The following LPCAT3 variants were observed in gnomAD, a reference collection of about 807,000 sequenced individuals.
LPCAT3 encodes the protein lysophospholipid acyltransferase 5.
Under a neutral mutation model 63.4 loss-of-function variants are expected in LPCAT3, and 21 were observed. The ratio of observed to expected loss-of-function variants is 0.33; its 90% CI spans 0.23 to 0.48. LPCAT3 has a LOEUF of 0.48. Among genes scored for constraint, LPCAT3 ranks in the 20% least tolerant of loss-of-function variants. LPCAT3 has a pLI of 0.99. For missense variants in LPCAT3, 451 were observed against 590.6 expected (o/e 0.76, Z 2.45); for synonymous variants, 242 against 227.5 (o/e 1.06, Z -0.58).
intron 1 of LPCAT3, chr12:7,001,371 A>G (rs1265071592): frequency 6.6e-6 from 3 of 453,096 alleles, no homozygotes; most frequent in African/African-American, 6.0e-5. Flanking sequence ...CAGATCCCAG[A>G]AATCCTAGAT....
intron 1 of LPCAT3, among the ~76,000 whole-genome samples, chr12:6,993,806 C>A (rs782686006): frequency 3.9e-5 from 6 of 152,238 alleles, no homozygotes; most frequent in African/African-American, 1.2e-4. Flanking sequence ...TAGACAAGGT[C>A]TCACTATGTT....
At chr12:7,009,370 C>A (rs1296801552) in intron 1 of LPCAT3, among the ~76,000 whole-genome samples, 2 of 152,098 alleles carry the variant, frequency 1.3e-5, no homozygotes, top group Non-Finnish European at 2.9e-5. Flanking sequence ...CAATGACATT[C>A]CAAAAAGGTA....
chr12:7,006,700 A>AT, intron 1 of LPCAT3, among the ~76,000 whole-genome samples: 1 of 152,322 alleles, frequency 6.6e-6, no homozygotes, highest in South Asian at 2.1e-4. Context: ...AGGGCCCCAT[A>AT]TGTTTATACT....
chr12:6,978,621 G>A lies in LPCAT3; in HGVS notation c.855C>T (p.Val285=), dbSNP rs1555153645. 2 of 1,614,194 alleles carry A rather than the reference G, an allele frequency of 1.2e-6. No individual in the cohort carries two copies. Among genetic ancestry groups the A allele is most frequent in the Admixed American group, 1.7e-5 (1 of 60,024 alleles). ...IWGKFVLYKY[V]TCWLVTEGVC... ...TACTTACTGTGACCAGCCAACAGGT[G>A]ACATATTTGTACAGCACAAACTTGC... is the stretch of plus-strand genomic sequence containing the variant. The change falls in exon 8 of 13, where the codon GTC becomes GTT. Residue 285 remains valine (V), a synonymous_variant. Transcript: ENST00000261407.
At chr12:6,996,929 C>T (rs1262727964) in intron 1 of LPCAT3, among the ~76,000 whole-genome samples, 1 of 151,680 alleles carries the variant, frequency 6.6e-6, no homozygotes, top group Non-Finnish European at 1.5e-5. Flanking sequence ...AGAGACTGGG[C>T]TAATTTCAAG....
chr12:7,005,374 T>G (rs1946719129), intron 1 of LPCAT3, among the ~76,000 whole-genome samples: 1 of 152,264 alleles, frequency 6.6e-6, no homozygotes. Flanking sequence ...TGTTTCCACT[T>G]TTGGCTATTA....
chr12:7,006,668 G>A (rs1946726990), intron 1 of LPCAT3, among the ~76,000 whole-genome samples: 2 of 152,224 alleles, frequency 1.3e-5, no homozygotes, highest in African/African-American at 4.8e-5. Flanking sequence ...ATTTCTAGTA[G>A]TACGGTTCAA....
At chr12:7,010,472 T>C (rs893738652) in intron 1 of LPCAT3, among the ~76,000 whole-genome samples, 2 of 152,174 alleles carry the variant, frequency 1.3e-5, no homozygotes, top group African/African-American at 4.8e-5. Flanking sequence ...GCTGGTGCAG[T>C]GATGTGATCA....
At chr12:6,983,330 T>C (rs1946489305) in intron 2 of LPCAT3, 102 bp downstream of exon 2, 7 of 746,568 alleles carry the variant, frequency 9.4e-6, no homozygotes, top group Non-Finnish European at 1.6e-5. Flanking sequence ...GGGAGCATTA[T>C]AACTTCCCTA....
chr12:6,997,828 C>T lies in LPCAT3; in HGVS notation c.152-14289G>A, dbSNP rs781933177. Among the ~76,000 whole-genome samples, 3 of 152,088 alleles carry T rather than the reference C, an allele frequency of 2.0e-5. No individual in the cohort carries two copies. In the South Asian group the frequency reaches 6.2e-4, roughly 32 times the overall value. ...CTCGAACTCCTGACCTCAGGTGATC[C>T]TCCTGCCTTAGCTTCCCAAAGTGCT... is the stretch of plus-strand genomic sequence containing the variant. On this transcript the variant is annotated intron_variant, in intron 1 of 12. Transcript: ENST00000261407.
chr12:6,996,030 C>T (rs1946633191), intron 1 of LPCAT3, among the ~76,000 whole-genome samples: 1 of 152,176 alleles, frequency 6.6e-6, no homozygotes, highest in Non-Finnish European at 1.5e-5. Context: ...GGTCACTCCT[C>T]TGCTCAAAGC....
chr12:6,984,940 TAC>T (rs1206208167), intron 1 of LPCAT3, among the ~76,000 whole-genome samples: 1 of 152,200 alleles, frequency 6.6e-6, no homozygotes, highest in African/African-American at 2.4e-5. Context: ...TCATGGGCAA[TAC>T]AGTTTACTGT....
chr12:6,978,528 T>C (rs781856031), intron 8 of LPCAT3, 21 bp from the exon 9 acceptor site: 117 of 1,612,036 alleles, frequency 7.3e-5, no homozygotes, highest in Middle Eastern at 1.7e-4. Flanking sequence ...ATAGCTCAGT[T>C]AGGGCTCTTG....
In LPCAT3 at chr12:7,017,738, G is replaced by A. The variant is rs1326616101; in HGVS notation, c.151+536C>T. On this transcript the variant is annotated intron_variant, in intron 1 of 12. Coordinates refer to ENST00000261407, the MANE Select transcript of LPCAT3 (RefSeq NM_005768.6). This position sits in a 1 kb window ranked among gnomAD's most constrained non-coding sequence, Gnocchi z 4.1. ...CTTGGAAAATAAAAAAAGCAACATG[G>A]TATAAAAAGAAAATAGTAGGACTGG... Among the ~76,000 whole-genome samples the A allele has an allele frequency of 2.6e-5, 4 of 152,042 alleles. No individual in the cohort carries two copies. The highest frequency in any genetic ancestry group is 5.9e-5 in the Non-Finnish European group (4 of 68,014).
intron 1 of LPCAT3, among the ~76,000 whole-genome samples, chr12:6,985,351 G>A (rs1417319298): frequency 1.3e-5 from 2 of 151,590 alleles, no homozygotes; most frequent in Non-Finnish European, 2.9e-5. Flanking sequence ...AGCTGAGATG[G>A]CACCACTGCA....
intron 1 of LPCAT3, among the ~76,000 whole-genome samples, chr12:6,984,091 ATAAAT>A (rs1280158907): frequency 1.3e-5 from 2 of 152,256 alleles, no homozygotes; most frequent in Non-Finnish European, 2.9e-5. Context: ...GAGGAAAAAT[ATAAAT>A]TAATATCAGG....
At chr12:6,982,963 G>A (rs767579874) in intron 2 of LPCAT3, 181 bp from the exon 3 acceptor site, 9 of 669,480 alleles carry the variant, frequency 1.3e-5, no homozygotes, top group Non-Finnish European at 2.4e-5. Context: ...TTATTAGGGT[G>A]TTATTTTATT....
intron 1 of LPCAT3, among the ~76,000 whole-genome samples, chr12:6,992,638 ATT>A (rs1165231061): frequency 6.6e-6 from 1 of 152,206 alleles, no homozygotes; most frequent in Non-Finnish European, 1.5e-5. Flanking sequence ...ATATGGAATG[ATT>A]TGTTTTAATC....
chr12:6,979,835 C>T (rs1260360314), intron 6 of LPCAT3: 6 of 482,180 alleles, frequency 1.2e-5, no homozygotes, highest in South Asian at 2.8e-5. Flanking sequence ...TTGTGTTTAC[C>T]CCTCAGGGAT....
Sources: allele counts gnomAD v4.1 joint callset (sites outside exome capture counted in the v4.1 genomes callset), GRCh38; gene constraint gnomAD v4.1.1; non-coding constraint Gnocchi (gnomAD v3.1); transcripts MANE v1.5; gene names NCBI Gene and HGNC (gene_info 2026-07-23, HGNC 2026-07-21).